ABLIM1: variants seen among roughly 807,000 people sequenced by gnomAD.
ABLIM1 encodes actin binding LIM protein 1, also known as actin-binding LIM protein 1.
A neutral mutation model predicts 107.0 loss-of-function variants in ABLIM1; 40 were observed. The observed-to-expected ratio is 0.37, with a 90% CI of 0.29 to 0.49. The LOEUF (loss-of-function observed/expected upper bound fraction) is 0.49. Among genes scored for constraint, ABLIM1 ranks in the 20% least tolerant of loss-of-function variants. The pLI is 0.97. For missense variants in ABLIM1, 857 were observed against 1,008.5 expected, an observed-to-expected ratio of 0.85 and a Z score of 2.04; for synonymous variants, 357 against 357.3, an observed-to-expected ratio of 1.00 and a Z score of 0.01.
At chr10:114,600,487 TG>T (rs1162097276) in intron 2 of ABLIM1, among the ~76,000 whole-genome samples, 5 of 152,188 alleles carry the variant, frequency 3.3e-5, no homozygotes, top group African/African-American at 1.2e-4. Flanking sequence ...GGAACAGCTG[TG>T]GACTCCAGGA....
At chr10:114,616,247 C>G (rs1388872549) in intron 1 of ABLIM1, among the ~76,000 whole-genome samples, 1 of 152,186 alleles carries the variant, frequency 6.6e-6, no homozygotes, top group Non-Finnish European at 1.5e-5. Context: ...CCCCACTCCT[C>G]CCAACCATAC....
the ABLIM1 span, among the ~76,000 whole-genome samples, chr10:114,788,479 G>A: frequency 6.6e-6 from 1 of 150,780 alleles, no homozygotes; most frequent in Non-Finnish European, 1.5e-5. Context: ...TGTAATCCCA[G>A]CACTTTTGGA....
chr10:114,601,938 G>A lies in ABLIM1; in HGVS notation c.268C>T (p.His90Tyr), dbSNP rs762100432. ...TGAATGACAGGCTTCTCTGATGGGTGGTGAGGGTCCTGAGGGTGGGCCACT... is the reference window on the plus strand; with the variant it reads ...TGAATGACAGGCTTCTCTGATGGGTAGTGAGGGTCCTGAGGGTGGGCCACT... ...PFVAHPQDPH[H>Y]PSEKPVIHCH... Residue 90 changes from histidine (H) to tyrosine (Y), a missense_variant, in exon 2 of 23, where the codon CAC becomes TAC. Transcript: ENST00000533213. 2.0e-5 allele frequency: 33 copies of A among 1,614,026 alleles called. No individual in the cohort carries two copies. Among genetic ancestry groups the A allele is most frequent in the Non-Finnish European group, 2.7e-5 (32 of 1,180,018 alleles).
intron 2 of ABLIM1, among the ~76,000 whole-genome samples, chr10:114,586,004 C>T (rs1190174921): frequency 1.3e-5 from 2 of 152,170 alleles, no homozygotes; most frequent in Admixed American, 1.3e-4. Flanking sequence ...CTATTTCATG[C>T]TACTTTAAAT....
chr10:114,699,500 CAGTCAGAAG>C (rs906006788), intron 1 of ABLIM1, among the ~76,000 whole-genome samples: 26 of 151,964 alleles, frequency 1.7e-4, no homozygotes, highest in Non-Finnish European at 1.5e-5. Context: ...CTTCTGACAG[CAGTCAGAAG>C]ACAGAAAGTG....
At chr10:114,783,420 G>A in the ABLIM1 span, among the ~76,000 whole-genome samples, 1 of 152,138 alleles carries the variant, frequency 6.6e-6, no homozygotes, top group African/African-American at 2.4e-5. Context: ...TAAATGAGTT[G>A]TTCCGTGTTT....
At chr10:114,779,980 C>A in the ABLIM1 span, 1 of 151,500 alleles carries the variant, frequency 6.6e-6, no homozygotes, top group African/African-American at 2.4e-5. Flanking sequence ...ATTGTTTCAT[C>A]ATTCACATAT....
At chr10:114,496,207 T>C (rs192689668) in intron 6 of ABLIM1, among the ~76,000 whole-genome samples, 1 of 152,292 alleles carries the variant, frequency 6.6e-6, no homozygotes, top group African/African-American at 2.4e-5. Context: ...AAGAGTTCTA[T>C]CAACTCACAA....
intron 6 of ABLIM1, among the ~76,000 whole-genome samples, chr10:114,538,120 G>A (rs1480066275): frequency 6.6e-6 from 1 of 152,136 alleles, no homozygotes; most frequent in East Asian, 1.9e-4. Context: ...GAAGGAAGGG[G>A]ACAAAGGCCT....
At chr10:114,473,846 C>T (rs779533804) in intron 9 of ABLIM1, 33 bp downstream of exon 9, 41 of 1,543,568 alleles carry the variant, frequency 2.7e-5, no homozygotes, top group Non-Finnish European at 3.5e-5. Context: ...TTTACCTGTC[C>T]CAGAAATGTC....
the ABLIM1 span, among the ~76,000 whole-genome samples, chr10:114,790,898 C>A: frequency 6.6e-6 from 1 of 152,048 alleles, no homozygotes; most frequent in African/African-American, 2.4e-5. Context: ...CACAAATGCC[C>A]TAAAATTGTA....
At chr10:114,622,970 G>A (rs1468932540) in intron 1 of ABLIM1, among the ~76,000 whole-genome samples, 3 of 151,642 alleles carry the variant, frequency 2.0e-5, no homozygotes, top group East Asian at 1.9e-4. Flanking sequence ...CCTTTTTTTC[G>A]TTTGTTTTCT....
intron 2 of ABLIM1, among the ~76,000 whole-genome samples, chr10:114,577,581 C>A (rs1199388060): frequency 6.6e-6 from 1 of 152,168 alleles, no homozygotes; most frequent in African/African-American, 2.4e-5. Context: ...CTGTCTGCAG[C>A]CTTTTCCAGA....
intron 1 of ABLIM1, among the ~76,000 whole-genome samples, chr10:114,626,711 T>C (rs2077829100): frequency 6.6e-6 from 1 of 152,184 alleles, no homozygotes; most frequent in Non-Finnish European, 1.5e-5. Context: ...AACTCATCTA[T>C]TGAAGTCCGA....
At chr10:114,451,052 A>G (rs566743700) in intron 14 of ABLIM1, among the ~76,000 whole-genome samples, 43 of 152,310 alleles carry the variant, frequency 2.8e-4, no homozygotes, top group African/African-American at 9.1e-4. Flanking sequence ...GTTTTTACAG[A>G]AGAGAAAACT....
chr10:114,718,102 A>AGG (rs1169165111), intron 1 of ABLIM1, among the ~76,000 whole-genome samples: 4,045 of 85,890 alleles, frequency 0.047, 574 homozygotes, highest in South Asian at 0.083. Context: ...AGGAAAAGAA[A>AGG]AAGAAAAAGA....
At chr10:114,602,109 T>C (rs1317695294) in intron 1 of ABLIM1, 148 bp from the exon 2 acceptor site, 3 of 1,105,660 alleles carry the variant, frequency 2.7e-6, no homozygotes, top group East Asian at 2.6e-5. Context: ...GTCATAATCC[T>C]AGAGACACAA....
intron 3 of ABLIM1, 22 bp downstream of exon 3, chr10:114,575,394 T>C: frequency 6.2e-7 from 1 of 1,610,166 alleles, no homozygotes; most frequent in Non-Finnish European, 8.5e-7. Flanking sequence ...GGTGTAGGCT[T>C]TGGAAAGATA....
At chr10:114,545,281 G>A (rs769872795) in intron 5 of ABLIM1, among the ~76,000 whole-genome samples, 183 bp from the exon 6 acceptor site, 2 of 152,058 alleles carry the variant, frequency 1.3e-5, no homozygotes, top group African/African-American at 2.4e-5. Flanking sequence ...CAAACAAAAC[G>A]ATCCAGAGAG....
Sources: allele counts gnomAD v4.1 joint callset (sites outside exome capture counted in the v4.1 genomes callset), GRCh38; gene constraint gnomAD v4.1.1; transcripts MANE v1.5; gene names NCBI Gene and HGNC (gene_info 2026-07-23, HGNC 2026-07-21).